Variants in PRH1 observed in about 807,000 individuals in gnomAD.
The protein encoded by PRH1 is proline rich protein HaeIII subfamily 1.
PRH1 carries 7 observed loss-of-function variants against 7.9 expected under a neutral mutation model. The ratio of observed to expected loss-of-function variants is 0.89; its 90% confidence interval spans 0.50 to 1.67. The LOEUF (loss-of-function observed/expected upper bound fraction) is 1.67. Ranked by LOEUF, PRH1 falls within the 40% of genes most tolerant of loss-of-function variation. PRH1 has a pLI of 0.00. For missense variants in PRH1, 109 were observed against 223.6 expected (o/e 0.49, Z 3.27); for synonymous variants, 45 against 80.8 (o/e 0.56, Z 2.38).
chr12:10,975,689 A>G (rs1021048346), intron 1 of PRH1, among the ~76,000 whole-genome samples: 1 of 152,048 alleles, frequency 6.6e-6, no homozygotes, highest in Non-Finnish European at 1.5e-5. Flanking sequence ...CTCACGTGTA[A>G]TGATACGCAT....
At chr12:10,916,746 A>T (rs934756701) in intron 2 of PRH1, among the ~76,000 whole-genome samples, 1 of 152,104 alleles carries the variant, frequency 6.6e-6, no homozygotes, top group East Asian at 1.9e-4. Flanking sequence ...GATTAGTGTT[A>T]TCATCAACAA....
intron 2 of PRH1, chr12:10,909,262 T>C: frequency 1.9e-6 from 3 of 1,613,544 alleles, no homozygotes; most frequent in Non-Finnish European, 2.5e-6. Flanking sequence ...TCTGCAATTA[T>C]TACAAGAGTG....
At chr12:11,000,134 A>G (rs1184294023) in intron 1 of PRH1, among the ~76,000 whole-genome samples, 1 of 152,132 alleles carries the variant, frequency 6.6e-6, no homozygotes, top group Non-Finnish European at 1.5e-5. Context: ...AAAATAATTT[A>G]TCTAAATTTG....
intron 1 of PRH1, among the ~76,000 whole-genome samples, chr12:11,020,773 A>G (rs1479996375): frequency 6.6e-6 from 1 of 152,104 alleles, no homozygotes; most frequent in African/African-American, 2.4e-5. Flanking sequence ...GATAGAGAAT[A>G]TTTGAGTTTT....
chr12:10,899,708 C>A (rs1316209004), intron 2 of PRH1, among the ~76,000 whole-genome samples: 1 of 152,114 alleles, frequency 6.6e-6, no homozygotes, highest in African/African-American at 2.4e-5. Flanking sequence ...GCCTGCGGAA[C>A]CATGAACTAA....
intron 2 of PRH1, among the ~76,000 whole-genome samples, chr12:10,913,615 C>T (rs1049716903): frequency 1.3e-5 from 2 of 152,086 alleles, no homozygotes; most frequent in African/African-American, 4.8e-5. Context: ...TAAAATGGGA[C>T]CTAGAGCTAT....
At chr12:11,120,758 T>C (rs1284407362), downstream of PRH1, 2 of 152,210 alleles carry the variant, frequency 1.3e-5, no homozygotes, top group African/African-American at 4.8e-5. Context: ...GTTGTGTATA[T>C]ATTTTTACTG....
intron 1 of PRH1, among the ~76,000 whole-genome samples, chr12:11,064,225 T>A (rs994292472): frequency 6.6e-6 from 1 of 152,182 alleles, no homozygotes; most frequent in East Asian, 1.9e-4. Flanking sequence ...AACCCTAAAC[T>A]CCATCGCTTG....
chr12:10,989,700 G>T (rs1176507431), intron 1 of PRH1, among the ~76,000 whole-genome samples: 1 of 151,990 alleles, frequency 6.6e-6, no homozygotes. Context: ...CTTCATGCAT[G>T]TTCAGCTTTA....
At chr12:10,994,337 A>G (rs1940100834) in intron 1 of PRH1, among the ~76,000 whole-genome samples, 1 of 152,216 alleles carries the variant, frequency 6.6e-6, no homozygotes, top group Non-Finnish European at 1.5e-5. Flanking sequence ...AGTGGGAAAT[A>G]GAAGACAGAA....
At chr12:11,099,822 G>A (rs933685632) in intron 1 of PRH1, among the ~76,000 whole-genome samples, 6 of 152,200 alleles carry the variant, frequency 3.9e-5, no homozygotes, top group Non-Finnish European at 7.3e-5. Context: ...GCTAAACCAA[G>A]AGTGTGGGAA....
chr12:10,964,754 C>T (rs1938422759), intron 2 of PRH1: 3 of 662,102 alleles, frequency 4.5e-6, no homozygotes, highest in African/African-American at 3.6e-5. Context: ...ACACAAAGAA[C>T]AGATTAAGAG....
rs1352626198 is a variant in PRH1, at chr12:11,133,179, T to A, written n.40-11999A>T. ...TGTACTTTTCTAGACTAACTTTAGG[T>A]AAAAGACTTTTCTAGGTATACATGT... is the stretch of plus-strand genomic sequence containing the variant. On this transcript the variant is annotated intron_variant and non_coding_transcript_variant, in intron 1 of 1. Coordinates refer to the PRH1 transcript ENST00000541175. 5 of 1,419,184 alleles carry A rather than the reference T, an allele frequency of 3.5e-6. No homozygotes were observed. In the African/African-American group the frequency reaches 5.8e-5, roughly 16 times the overall value. The allele number at this position is 1,419,184 out of a possible 1,614,324, so 87.9% of individuals were successfully genotyped here. A position where few individuals can be genotyped will look rare whatever the true frequency, so the allele number is the denominator to read the frequency against.
rs528019045 is a variant in PRH1, at chr12:10,981,365, ATTT to A, written c.-125-7647_-125-7645del. Among the ~76,000 whole-genome samples, 573 of 111,548 alleles carry A rather than the reference ATTT, an allele frequency of 5.1e-3. 6 individuals carry two copies. Among genetic ancestry groups the A allele is most frequent in the Middle Eastern group, 0.017 (3 of 180 alleles). The allele number at this position is 111,548 out of a possible 152,430, so 73.2% of individuals were successfully genotyped here. A position where few individuals can be genotyped will look rare whatever the true frequency, so the allele number is the denominator to read the frequency against. ...TACGGTGGCAAATTTTTACTTCTGG[ATTT>A]TTTTTTTTTTTTTTTTTTTTTTTGA... On this transcript the variant is annotated intron_variant, in intron 1 of 3. Transcript: ENST00000539853.
chr12:11,037,304 C>A (rs1369392096), intron 1 of PRH1, among the ~76,000 whole-genome samples: 1 of 152,166 alleles, frequency 6.6e-6, no homozygotes, highest in South Asian at 2.1e-4. Flanking sequence ...TTTACTATAG[C>A]AGTCAAAGTT....
chr12:11,072,185 C>A (rs1944102982), intron 1 of PRH1, among the ~76,000 whole-genome samples: 1 of 152,250 alleles, frequency 6.6e-6, no homozygotes, highest in South Asian at 2.1e-4. Flanking sequence ...CAAGCTCTCA[C>A]CATGTAGCCC....
At position 11,084,092 on chromosome 12, in the gene PRH1, T is replaced by C. The variant is rs749070804; in HGVS notation, n.124-36904A>G. ...CTTAGCCAATCAGGATCAGTTTAGA[T>C]AGCACGGTCCAACCCCAGCCAACAG... is the stretch of plus-strand genomic sequence containing the variant. On this transcript the variant is annotated intron_variant and non_coding_transcript_variant, in intron 1 of 4. Transcript: ENST00000541977. Among the ~76,000 whole-genome samples, 9 of 119,028 alleles carry C rather than the reference T, an allele frequency of 7.6e-5. 1 individual carries two copies. The South Asian group carries it at 1.9e-3, about 24-fold the overall frequency. The allele number at this position is 119,028 out of a possible 152,430, so 78.1% of individuals were successfully genotyped here.
intron 2 of PRH1, among the ~76,000 whole-genome samples, chr12:10,907,520 TG>T (rs1949821997): frequency 6.6e-6 from 1 of 151,936 alleles, no homozygotes; most frequent in South Asian, 2.1e-4. Context: ...TGTATGTGTG[TG>T]TGTGTGTGTG....
intron 2 of PRH1, among the ~76,000 whole-genome samples, chr12:10,942,380 C>T (rs1428289384): frequency 6.6e-6 from 1 of 152,112 alleles, no homozygotes; most frequent in Admixed American, 6.5e-5. Flanking sequence ...GACTCACTCT[C>T]TCCTGCTGTG....
Sources: gnomAD v4.1 joint callset for allele counts (sites outside exome capture counted in the v4.1 genomes callset) on GRCh38, gnomAD v4.1.1 for gene constraint, MANE v1.5 for transcripts, NCBI Gene and HGNC (gene_info 2026-07-23, HGNC 2026-07-21) for gene names.